The following MTMR11 variants were observed in gnomAD, a reference collection of about 807,000 sequenced individuals.
The protein encoded by MTMR11 is myotubularin related protein 11.
MTMR11 carries 89 observed loss-of-function variants against 100.0 expected under a neutral mutation model. The observed-to-expected ratio is 0.89, with a 90% CI of 0.75 to 1.06. The LOEUF is 1.06. Among genes scored for constraint, MTMR11 ranks in the 50% least tolerant of loss-of-function variants. The probability of loss-of-function intolerance (pLI) is 0.00; values close to 1 mark genes in which losing one functional copy is unlikely to be tolerated. For missense variants in MTMR11, 809 were observed against 873.7 expected, an observed-to-expected ratio of 0.93 and a Z score of 0.93; for synonymous variants, 336 against 326.3, an observed-to-expected ratio of 1.03 and a Z score of -0.32.
chr1:149,933,217 T>C (rs1379757660), intron 10 of MTMR11, among the ~76,000 whole-genome samples, 189 bp downstream of exon 10: 17 of 151,688 alleles, frequency 1.1e-4, no homozygotes, highest in Admixed American at 1.1e-3. Context: ...CGGCCTCCCA[T>C]AGTGGTGGGA....
rs1364738464 is a variant in MTMR11 at position 149,931,390 on chromosome 1, G to A, written c.1160C>T (p.Ser387Leu). The change falls in exon 13 of 17, where the codon TCA becomes TTA. Residue 387 changes from serine (S) to leucine (L), a missense_variant. Coordinates refer to ENST00000439741, the MANE Select transcript of MTMR11 (RefSeq NM_001145862.2). ...GDRDLNGLLSSLVQLLSAPEA... is the reference protein window; with the variant it reads ...GDRDLNGLLSLLVQLLSAPEA... The stretch of plus-strand genomic sequence containing the variant: ...GGGGGCTGAAAGCAGCTGGACGAGT[G>A]AAGAGAGGAGGCCATTGAGATCACG... 1.2e-6 allele frequency: 2 copies of A among 1,612,474 alleles called. No homozygotes were observed. The highest frequency in any genetic ancestry group is 1.7e-6 in the Non-Finnish European group (2 of 1,179,322).
chr1:149,929,991 G>C (rs1176990454), intron 15 of MTMR11, 75 bp from the exon 16 acceptor site: 2 of 1,446,490 alleles, frequency 1.4e-6, no homozygotes, highest in African/African-American at 1.4e-5. Context: ...ATCAGGACAG[G>C]GTGTCCTGCT....
chr1:149,933,103 C>T lies in MTMR11; in HGVS notation c.985+303G>A, dbSNP rs587641111. ...CTGGGATTACAGGCATCGGCCACCA[C>T]ACCCAGCTAATTTTGTGTGTGTGTG... On this transcript the variant is annotated intron_variant, in intron 10 of 16. Transcript: ENST00000439741. Among the ~76,000 whole-genome samples, 13 of 151,916 alleles carry T rather than the reference C, an allele frequency of 8.6e-5. No homozygotes were observed. In the South Asian group the frequency reaches 2.7e-3, roughly 32 times the overall value.
intron 11 of MTMR11, 35 bp downstream of exon 11, chr1:149,932,229 A>G (rs2092669373): frequency 6.2e-7 from 1 of 1,602,576 alleles, no homozygotes; most frequent in South Asian, 1.1e-5. Context: ...GGAAGGTTGA[A>G]TTATAAATGA....
chr1:149,936,084 T>C, intron 2 of MTMR11, 70 bp downstream of exon 2: 1 of 1,497,266 alleles, frequency 6.7e-7, no homozygotes, highest in Non-Finnish European at 9.3e-7. Flanking sequence ...GTATCTTTGG[T>C]GAGGGCATGA....
chr1:149,931,485 G>A, intron 12 of MTMR11, 59 bp from the exon 13 acceptor site: 1 of 1,465,802 alleles, frequency 6.8e-7, no homozygotes, highest in Non-Finnish European at 9.2e-7. Flanking sequence ...TAGGGCAGAA[G>A]AGAATGAGAA....
chr1:149,933,763 C>A, intron 8 of MTMR11, 65 bp from the exon 9 acceptor site: 2 of 1,610,040 alleles, frequency 1.2e-6, no homozygotes, highest in African/African-American at 1.3e-5. Flanking sequence ...CCCTTGCCCC[C>A]ACACTGACCT....
At position 149,931,419 on chromosome 1, in the gene MTMR11, A is replaced by G. The variant is rs915273926; in HGVS notation, c.1131T>C (p.Gly377=). Residue 377 remains glycine, a synonymous_variant, in exon 13 of 17, where the codon GGT becomes GGC. Coordinates refer to ENST00000439741, the MANE Select transcript of MTMR11 (RefSeq NM_001145862.2). ...RVRSVILQER[G]DRDLNGLLSS... ...AGAGGAGGCCATTGAGATCACGATC[A>G]CCGCGCTCTGGGTGATAAAGAGGAA... 21 of 1,599,256 alleles carry G rather than the reference A, an allele frequency of 1.3e-5. No homozygotes were observed. The highest frequency in any genetic ancestry group is 1.7e-5 in the Non-Finnish European group (20 of 1,172,804).
At chr1:149,932,550 CATT>C (rs1342137881) in intron 10 of MTMR11, among the ~76,000 whole-genome samples, 2 of 152,152 alleles carry the variant, frequency 1.3e-5, no homozygotes, top group African/African-American at 4.8e-5. Flanking sequence ...ATGGTATGTA[CATT>C]ATGTCTCAAT....
At chr1:149,931,059 G>C (rs2092653294) in intron 13 of MTMR11, 94 bp from the exon 14 acceptor site, 18 of 1,372,812 alleles carry the variant, frequency 1.3e-5, no homozygotes, top group Non-Finnish European at 1.8e-5. Flanking sequence ...GGGAATAGGG[G>C]GAACTTATGG....
At position 149,929,638 on chromosome 1, in the gene MTMR11, T is replaced by C. The variant is rs782072012; in HGVS notation, c.1926A>G (p.Gly642=). The C allele has an allele frequency of 6.2e-7, 1 of 1,612,318 alleles. No individual in the cohort carries two copies. The highest frequency in any genetic ancestry group is 8.5e-7 in the Non-Finnish European group (1 of 1,179,412). ...CCCTTCTTACCTGGACCTCAGGCCT[T>C]CCCCTCAGGTAGCAGCGTCTCCAGA... ...IRLWRRCYLR[G]RPEVQMGLSA... is the part of the protein sequence containing the mutation. The change falls in exon 16 of 17, where the codon GGA becomes GGG. Residue 642 remains glycine (G), a synonymous_variant. Coordinates refer to ENST00000439741, the MANE Select transcript of MTMR11 (RefSeq NM_001145862.2).
At chr1:149,935,509 T>C (rs2101676593) in intron 3 of MTMR11, 75 bp downstream of exon 3, 3 of 1,590,598 alleles carry the variant, frequency 1.9e-6, no homozygotes, top group South Asian at 2.2e-5. Context: ...TAACCCATAA[T>C]GTTTGTCTAA....
intron 13 of MTMR11, 30 bp downstream of exon 13, chr1:149,931,230 G>T: frequency 6.2e-7 from 1 of 1,612,026 alleles, no homozygotes; most frequent in Non-Finnish European, 8.5e-7. Flanking sequence ...TTAGTAATAT[G>T]CCCCCGATGC....
chr1:149,935,690 G>C lies in MTMR11; in HGVS notation c.158C>G (p.Ala53Gly), dbSNP rs1553769010. 3 of 1,607,562 alleles carry C rather than the reference G, an allele frequency of 1.9e-6. No homozygotes were observed. The highest frequency in any genetic ancestry group is 3.4e-5 in the Admixed American group (2 of 58,844). The change falls in exon 3 of 17, where the codon GCA becomes GGA. Residue 53 changes from alanine to glycine, a missense_variant. Transcript: ENST00000439741. ...SRCLPGEQIL[A>G]WAPGVRKGLE... The stretch of plus-strand genomic sequence containing the variant: ...GCCCTTCCTCACCCCTGGGGCCCAT[G>C]CTAGGATCTGCTCCCCTAAAGGGGA...
chr1:149,933,804 G>A (rs367744911), intron 8 of MTMR11, 51 bp downstream of exon 8: 3 of 1,606,560 alleles, frequency 1.9e-6, no homozygotes, highest in Non-Finnish European at 2.6e-6. Flanking sequence ...CGATGTCCCT[G>A]GCCCACATGA....
intron 12 of MTMR11, 81 bp from the exon 13 acceptor site, chr1:149,931,507 C>T: frequency 7.4e-7 from 1 of 1,351,164 alleles, no homozygotes; most frequent in Non-Finnish European, 1.0e-6. Flanking sequence ...AGAAATACGG[C>T]AAGGAGAAGT....
rs2092671279 is a variant in MTMR11, at chr1:149,932,350, T to C, written c.986-20A>G. On this transcript the variant is annotated intron_variant, in intron 10 of 16. Coordinates refer to ENST00000439741, the MANE Select transcript of MTMR11 (RefSeq NM_001145862.2). The stretch of plus-strand genomic sequence containing the variant: ...ATGAATCTGATAGAGGGTAGAAAGA[T>C]CAGAAGGGCAAGAGATTAGAACTCA... 6.3e-7 allele frequency: 1 copy of C among 1,599,388 alleles called. No individual in the cohort carries two copies. The highest frequency in any genetic ancestry group is 1.3e-5 in the African/African-American group (1 of 74,568).
At chr1:149,933,997 A>G in intron 7 of MTMR11, 55 bp from the exon 8 acceptor site, 1 of 1,565,530 alleles carries the variant, frequency 6.4e-7, no homozygotes, top group Non-Finnish European at 8.8e-7. Context: ...TATAATGGAA[A>G]GCTCTTATTA....
chr1:149,933,994 G>A (rs1453888801), intron 7 of MTMR11, 52 bp from the exon 8 acceptor site: 2 of 1,569,144 alleles, frequency 1.3e-6, no homozygotes, highest in African/African-American at 2.7e-5. Flanking sequence ...CATTATAATG[G>A]AAAGCTCTTA....
Sources: allele counts gnomAD v4.1 joint callset (sites outside exome capture counted in the v4.1 genomes callset), GRCh38; gene constraint gnomAD v4.1.1; transcripts MANE v1.5; gene names NCBI Gene and HGNC (gene_info 2026-07-23, HGNC 2026-07-21).